The following MID1 variants were observed in gnomAD, a reference collection of about 807,000 sequenced individuals.
MID1 encodes the protein E3 ubiquitin-protein ligase Midline-1.
In MID1, 7 loss-of-function variants were observed where a neutral mutation model predicts 40.4. The ratio of observed to expected loss-of-function variants is 0.17; its 90% CI spans 0.10 to 0.33. The LOEUF (loss-of-function observed/expected upper bound fraction) is 0.33, where lower values mean the gene tolerates loss of function less well. Among genes scored for constraint, MID1 ranks in the 10% least tolerant of loss-of-function variants. The pLI is 1.00. For missense variants in MID1, 367 were observed against 558.5 expected (o/e 0.66, Z 3.46); for synonymous variants, 229 against 221.2 (o/e 1.04, Z -0.31).
intron 1 of MID1, among the ~76,000 whole-genome samples, chrX:10,731,919 C>T (rs1284516973): frequency 1.0e-5 from 1 of 97,305 alleles, no homozygotes; most frequent in African/African-American, 3.9e-5. Flanking sequence ...GAGATAGTGC[C>T]ACTGCACTCT....
At chrX:10,577,755 C>A (rs1934910437) in intron 1 of MID1, among the ~76,000 whole-genome samples, 1 of 93,174 alleles carries the variant, frequency 1.1e-5, no homozygotes, top group Admixed American at 1.2e-4. Flanking sequence ...AAAGGGTGAA[C>A]TGAGAATGGA....
chrX:10,711,326 C>T (rs1345883925), intron 1 of MID1, among the ~76,000 whole-genome samples: 1 of 112,066 alleles, frequency 8.9e-6, no homozygotes, highest in South Asian at 3.8e-4. Context: ...AGCTCACCCT[C>T]GTTCCAGAAT....
At chrX:10,727,294 C>G (rs762887579) in intron 1 of MID1, among the ~76,000 whole-genome samples, 2 of 110,313 alleles carry the variant, frequency 1.8e-5, no homozygotes, top group East Asian at 5.8e-4. Flanking sequence ...TTTGTATTTT[C>G]TTTCAGTAGA....
intron 1 of MID1, among the ~76,000 whole-genome samples, chrX:10,818,749 T>C (rs1207784620): frequency 8.9e-6 from 1 of 112,300 alleles, no homozygotes; most frequent in East Asian, 2.8e-4. Flanking sequence ...AGCCAGCATT[T>C]ATTGAGTGCT....
At chrX:10,815,361 C>G (rs146147012) in intron 1 of MID1, among the ~76,000 whole-genome samples, 2 of 112,133 alleles carry the variant, frequency 1.8e-5, no homozygotes, top group Non-Finnish European at 3.8e-5. Context: ...TCCATTAGTG[C>G]TCACATCTAA....
intron 1 of MID1, among the ~76,000 whole-genome samples, chrX:10,717,351 T>C (rs1348467565): frequency 4.0e-5 from 4 of 100,820 alleles, no homozygotes; most frequent in Non-Finnish European, 7.9e-5. Flanking sequence ...TGGAGGAAGA[T>C]CTACCAAGCA....
intron 6 of MID1, among the ~76,000 whole-genome samples, chrX:10,472,811 G>A (rs1012625867): frequency 8.9e-6 from 1 of 111,891 alleles, no homozygotes; most frequent in Non-Finnish European, 1.9e-5. Flanking sequence ...CAATGAAGGC[G>A]GCAGAGGAGG....
intron 1 of MID1, among the ~76,000 whole-genome samples, chrX:10,799,437 T>C (rs2043990705): frequency 1.8e-5 from 2 of 112,034 alleles, no homozygotes; most frequent in South Asian, 3.7e-4. Flanking sequence ...AGATTTCTAT[T>C]TGTGCACATA....
chrX:10,461,121 C>G, intron 7 of MID1, among the ~76,000 whole-genome samples: 1 of 96,216 alleles, frequency 1.0e-5, no homozygotes, highest in African/African-American at 4.2e-5. Flanking sequence ...TATATATCAT[C>G]TAAAGATATC....
chrX:10,618,211 T>A (rs1342349276), intron 1 of MID1, among the ~76,000 whole-genome samples: 1 of 112,393 alleles, frequency 8.9e-6, no homozygotes, highest in Non-Finnish European at 1.9e-5. Flanking sequence ...GCTGAGCTGA[T>A]GACACACAGG....
At chrX:10,460,475 A>G (rs1338558669) in intron 7 of MID1, among the ~76,000 whole-genome samples, 1 of 111,648 alleles carries the variant, frequency 9.0e-6, no homozygotes, top group Non-Finnish European at 1.9e-5. Flanking sequence ...AAGAATATGT[A>G]GGAAAAGGAA....
At chrX:10,450,076 A>G (rs752115102) in intron 9 of MID1, among the ~76,000 whole-genome samples, 21 of 112,642 alleles carry the variant, frequency 1.9e-4, no homozygotes, top group Non-Finnish European at 3.7e-4. Flanking sequence ...ACTTTCTTCA[A>G]TGACTGAAAT....
At chrX:10,808,940 A>C (rs2044069931) in intron 1 of MID1, among the ~76,000 whole-genome samples, 1 of 112,029 alleles carries the variant, frequency 8.9e-6, no homozygotes. Context: ...ATCTAATTAA[A>C]CTAAAGAGCT....
At chrX:10,581,697 T>C (rs1162432225) in intron 1 of MID1, among the ~76,000 whole-genome samples, 1 of 112,467 alleles carries the variant, frequency 8.9e-6, no homozygotes, top group Non-Finnish European at 1.9e-5. Flanking sequence ...TTATGGAGCA[T>C]CTTATGTGAA....
At chrX:10,777,448 C>T (rs1172096707) in intron 1 of MID1, among the ~76,000 whole-genome samples, 1 of 110,709 alleles carries the variant, frequency 9.0e-6, no homozygotes, top group African/African-American at 3.3e-5. Flanking sequence ...TCGCCCGCCT[C>T]GGCCTCCCAA....
chrX:10,589,067 CACAAA>C (rs1374108511), intron 1 of MID1, among the ~76,000 whole-genome samples: 3 of 111,581 alleles, frequency 2.7e-5, no homozygotes, highest in Non-Finnish European at 5.6e-5. Context: ...ACACGCACAC[CACAAA>C]ACAAAGAACA....
At chrX:10,498,047 T>C (rs1213223788) in intron 3 of MID1, among the ~76,000 whole-genome samples, 1 of 112,345 alleles carries the variant, frequency 8.9e-6, no homozygotes, top group Admixed American at 9.4e-5. Flanking sequence ...AAGGACTGTG[T>C]AGACACAAAA....
intron 1 of MID1, among the ~76,000 whole-genome samples, chrX:10,788,705 G>T (rs958909923): frequency 9.0e-6 from 1 of 111,717 alleles, no homozygotes; most frequent in East Asian, 2.8e-4. Flanking sequence ...GTAATGGGTA[G>T]AGGCTAGGAA....
chrX:10,486,380 C>T (rs1711927654), intron 4 of MID1, among the ~76,000 whole-genome samples: 1 of 112,095 alleles, frequency 8.9e-6, no homozygotes, highest in African/African-American at 3.2e-5. Context: ...CCCCACCATC[C>T]GTTCTTTAGA....
Sources: gnomAD v4.1 joint callset for allele counts (sites outside exome capture counted in the v4.1 genomes callset) on GRCh38, gnomAD v4.1.1 for gene constraint, MANE v1.5 for transcripts, NCBI Gene and HGNC (gene_info 2026-07-23, HGNC 2026-07-21) for gene names.